GAREM2: variants seen among roughly 807,000 people sequenced by gnomAD.
The protein encoded by GAREM2 is GRB2-associated and regulator of MAPK protein 2.
GAREM2 carries 30 observed loss-of-function variants against 55.6 expected under a neutral mutation model. The ratio of observed to expected loss-of-function variants is 0.54; its 90% CI spans 0.40 to 0.73. The LOEUF is 0.73. Among genes scored for constraint, GAREM2 ranks in the 30% least tolerant of loss-of-function variants. The pLI is 0.00. For synonymous variants in GAREM2, 550 were observed against 569.1 expected (o/e 0.97, Z 0.48); for missense variants, 1,075 against 1,257.7 (o/e 0.85, Z 2.20).
the GAREM2 span, among the ~76,000 whole-genome samples, chr2:26,195,788 C>T: frequency 1.3e-5 from 2 of 152,186 alleles, no homozygotes; most frequent in African/African-American, 4.8e-5. Context: ...CTGTCATCAC[C>T]TGGGAGCGTT....
chr2:26,181,006 G>C (rs1023522835), intron 2 of GAREM2: 2 of 985,354 alleles, frequency 2.0e-6, no homozygotes, highest in East Asian at 2.3e-4. Flanking sequence ...TGTCACCCAA[G>C]CCTGCTGGGT....
the GAREM2 span, chr2:26,197,839 T>G: frequency 0.79 from 668,973 of 841,642 alleles, 267,410 homozygotes; most frequent in African/African-American, 0.93. Context: ...AGAGGCCACA[T>G]CAAAGCTAAT....
chr2:26,192,441 AAGGGAGTGTTACTATTTGTTCTCAGGG>A (rs772436809), downstream of GAREM2: 194 of 1,277,932 alleles, frequency 1.5e-4, no homozygotes, highest in African/African-American at 1.1e-3. Context: ...CAGGCAAGAA[AAGGGAGTGTTACTATTTGTTCTCAGGG>A]AGGGAGTGTT....
the GAREM2 span, among the ~76,000 whole-genome samples, chr2:26,202,007 GC>G: frequency 6.7e-6 from 1 of 150,230 alleles, no homozygotes. Context: ...CACCATCTTG[GC>G]CAGGCTGGTC....
intron 2 of GAREM2, chr2:26,181,352 C>T (rs12611790): frequency 0.82 from 127,476 of 154,896 alleles, 52,905 homozygotes; most frequent in African/African-American, 0.95. Context: ...GTGTTTCTTC[C>T]ACAGGGAATG....
chr2:26,190,199 A>G (rs532407939), downstream of GAREM2, among the ~76,000 whole-genome samples: 1 of 152,346 alleles, frequency 6.6e-6, no homozygotes, highest in South Asian at 2.1e-4. Flanking sequence ...GACATATTTG[A>G]AGTACAACTG....
chr2:26,184,056 T>G (rs1164987353), intron 3 of GAREM2, among the ~76,000 whole-genome samples, 177 bp from the exon 4 acceptor site: 2 of 152,262 alleles, frequency 1.3e-5, no homozygotes, highest in Admixed American at 1.3e-4. Context: ...TCATTTAAGG[T>G]GGCACAGCTG....
chr2:26,194,539 T>C, downstream of GAREM2: 1 of 1,387,132 alleles, frequency 7.2e-7, no homozygotes, highest in Non-Finnish European at 1.0e-6. Context: ...GAGTGGAAGA[T>C]GCCGCAAACA....
chr2:26,186,299 G>A lies in GAREM2; in HGVS notation c.1539G>A (p.Leu513=), dbSNP rs1434205292. The change falls in exon 5 of 6, where the codon CTG becomes CTA. Residue 513 remains leucine, a synonymous_variant. Transcript: ENST00000401533. ...CGGTTCCCCCTCGCTTCCCCAAGCT[G>A]CAGCCGGTACATTCCCCCAGCTCCA... ...SPPVPPRFPK[L]QPVHSPSSSL... The A allele has an allele frequency of 9.7e-6, 15 of 1,551,396 alleles. No individual in the cohort carries two copies. In the Admixed American group the frequency reaches 2.0e-4, roughly 20 times the overall value.
downstream of GAREM2, among the ~76,000 whole-genome samples, chr2:26,193,377 C>T (rs981258738): frequency 1.3e-5 from 2 of 151,414 alleles, no homozygotes; most frequent in Non-Finnish European, 2.9e-5. Flanking sequence ...GATCCTCCCA[C>T]CTCAGCCTCC....
chr2:26,184,198 T>A, intron 3 of GAREM2, 35 bp from the exon 4 acceptor site: 2 of 1,543,898 alleles, frequency 1.3e-6, no homozygotes, highest in South Asian at 2.4e-5. Flanking sequence ...CCCTGGGACC[T>A]GGCTAAGGCC....
chr2:26,193,608 C>G (rs201393639), downstream of GAREM2: 20 of 1,614,000 alleles, frequency 1.2e-5, no homozygotes, highest in East Asian at 4.0e-4. Flanking sequence ...TCTGTGTCAG[C>G]AGTTCTGGGT....
rs555192210 is a variant in GAREM2 at position 26,188,060 on chromosome 2, T to C, written c.2428T>C (p.Ser810Pro). ...WQPPADLSAL[S>P]LEEVSRSLRF... is the part of the protein sequence containing the mutation. ...GCCCCCTGCTGACCTGTCTGCACTC[T>C]CCCTGGAGGAGGTCTCTCGCAGTCT... Residue 810 changes from serine to proline, a missense_variant, in exon 6 of 6, where the codon TCC becomes CCC. Ser to Pro is a moderately conservative substitution (Grantham distance 74). Around this residue, in one of 6 missense-constraint regions of GAREM2, gnomAD observed 142 missense variants for 172.3 expected, o/e 0.82. Coordinates refer to ENST00000401533, the MANE Select transcript of GAREM2 (RefSeq NM_001168241.2). 6.5e-7 allele frequency: 1 copy of C among 1,540,984 alleles called. No individual in the cohort carries two copies. Among genetic ancestry groups the C allele is most frequent in the Admixed American group, 2.0e-5 (1 of 50,340 alleles).
intron 3 of GAREM2, among the ~76,000 whole-genome samples, chr2:26,184,027 T>C (rs1410947653): frequency 6.6e-6 from 1 of 152,286 alleles, no homozygotes; most frequent in African/African-American, 2.4e-5. Context: ...ATATGGTCGC[T>C]AAGGCGTGGA....
At chr2:26,204,006 A>G in the GAREM2 span, 2 of 1,581,732 alleles carry the variant, frequency 1.3e-6, no homozygotes, top group African/African-American at 1.3e-5. Flanking sequence ...ACAAAAAACA[A>G]CTAACCAAGA....
intron 1 of GAREM2, among the ~76,000 whole-genome samples, chr2:26,174,652 G>A (rs1668802578): frequency 6.6e-6 from 1 of 152,258 alleles, no homozygotes; most frequent in Non-Finnish European, 1.5e-5. Context: ...AACAACTGGT[G>A]TGATGGCCCA....
chr2:26,180,159 A>G (rs1668998028), intron 2 of GAREM2, among the ~76,000 whole-genome samples: 1 of 151,932 alleles, frequency 6.6e-6, no homozygotes, highest in Non-Finnish European at 1.5e-5. Flanking sequence ...TCTCCTAGTC[A>G]TTTCCCCTTG....
At position 26,187,652 on chromosome 2, in the gene GAREM2, G is replaced by A. The variant is rs1339253183; in HGVS notation, c.2020G>A (p.Ala674Thr). Reference protein sequence around the residue: ...YSPGPASPGQAYSAAPPSSCA... With the variant: ...YSPGPASPGQTYSAAPPSSCA... ...CCCAGGCCCAGCCTCGCCAGGCCAG[G>A]CCTATTCAGCTGCTCCCCCCTCCTC... is the stretch of plus-strand genomic sequence containing the variant. Residue 674 changes from alanine (A) to threonine (T), a missense_variant, in exon 6 of 6, where the codon GCC (alanine) becomes ACC (threonine). Transcript: ENST00000401533. 9 of 1,539,656 alleles carry A rather than the reference G, an allele frequency of 5.8e-6. No individual in the cohort carries two copies. The highest frequency in any genetic ancestry group is 7.9e-6 in the Non-Finnish European group (9 of 1,140,974).
Position 26,179,050 on chromosome 2 carries a change from C to T in GAREM2, c.253+2566C>T, listed in dbSNP as rs555652320. Among the ~76,000 whole-genome samples the T allele has an allele frequency of 3.3e-5, 5 of 152,136 alleles. No homozygotes were observed. Among genetic ancestry groups the T allele is most frequent in the African/African-American group, 1.2e-4 (5 of 41,420 alleles). ...GCCGGCTGCGGACCGCGGAGAGAGC[C>T]GAGGGGAAGGCCGTGGAGGGAGGAG... On this transcript the variant is annotated intron_variant, in intron 2 of 5. Coordinates refer to ENST00000401533, the MANE Select transcript of GAREM2 (RefSeq NM_001168241.2). The surrounding 1 kb of genome is among the most constrained non-coding windows in gnomAD (Gnocchi z 4.7).
Sources: gnomAD v4.1 joint callset for allele counts (sites outside exome capture counted in the v4.1 genomes callset) on GRCh38, gnomAD v4.1.1 for gene constraint, gnomAD v4.1.1 regional missense constraint, Gnocchi (gnomAD v3.1) non-coding constraint, MANE v1.5 for transcripts, NCBI Gene and HGNC (gene_info 2026-07-23, HGNC 2026-07-21) for gene names.